Variants in ATP6V1D observed in about 807,000 individuals in gnomAD.
ATP6V1D encodes the protein ATPase H+ transporting V1 subunit D.
In ATP6V1D, 20 loss-of-function variants were observed where a neutral mutation model predicts 39.4. That is an observed-to-expected ratio of 0.51 (90% CI 0.36 to 0.74). The LOEUF is 0.74. ATP6V1D is among the 30% of genes least tolerant of loss of function. The probability of loss-of-function intolerance (pLI) is 0.00; values close to 1 mark genes in which losing one functional copy is unlikely to be tolerated. For missense variants in ATP6V1D, 228 were observed against 291.6 expected, an observed-to-expected ratio of 0.78 and a Z score of 1.59; for synonymous variants, 100 against 100.5, an observed-to-expected ratio of 0.99 and a Z score of 0.03.
intron 3 of ATP6V1D, among the ~76,000 whole-genome samples, chr14:67,349,562 C>A (rs530538946): frequency 6.6e-6 from 1 of 152,090 alleles, no homozygotes; most frequent in Non-Finnish European, 1.5e-5. Context: ...TGGCAGGGTG[C>A]GATAGCTCAC....
At chr14:67,354,197 A>T (rs1250821613) in intron 1 of ATP6V1D, among the ~76,000 whole-genome samples, 1 of 152,262 alleles carries the variant, frequency 6.6e-6, no homozygotes, top group Non-Finnish European at 1.5e-5. Context: ...AGTGTTCCAT[A>T]AATGAAAAGT....
At chr14:67,345,935 A>T (rs1341574271) in intron 5 of ATP6V1D, 64 bp from the exon 6 acceptor site, 2 of 998,294 alleles carry the variant, frequency 2.0e-6, no homozygotes, top group Non-Finnish European at 3.1e-6. Flanking sequence ...AAAATTCCCC[A>T]AAAGGAGATA....
chr14:67,341,946 C>T (rs1020499411), intron 7 of ATP6V1D, among the ~76,000 whole-genome samples: 7 of 151,858 alleles, frequency 4.6e-5, no homozygotes, highest in South Asian at 2.1e-4. Flanking sequence ...GGATTAAGGG[C>T]GGTGCAAGAT....
intron 1 of ATP6V1D, among the ~76,000 whole-genome samples, chr14:67,354,818 T>C (rs1337349456): frequency 6.6e-6 from 1 of 152,132 alleles, no homozygotes; most frequent in Non-Finnish European, 1.5e-5. Context: ...TTTTGCATTT[T>C]ATTTTATTTT....
chr14:67,348,418 G>A (rs1194249490), intron 4 of ATP6V1D, among the ~76,000 whole-genome samples: 1 of 151,726 alleles, frequency 6.6e-6, no homozygotes, highest in Non-Finnish European at 1.5e-5. Context: ...TGTTGGCCAG[G>A]CTGGTCTCGA....
intron 2 of ATP6V1D, among the ~76,000 whole-genome samples, chr14:67,351,219 G>C (rs1257668708): frequency 1.3e-5 from 2 of 152,144 alleles, no homozygotes; most frequent in Non-Finnish European, 2.9e-5. Flanking sequence ...AAATAGACTA[G>C]AGGATTCAGA....
In ATP6V1D at chr14:67,338,573, A is replaced by C; in HGVS notation, c.*48T>G. ...AAATCAAACCTACACACTGTGAATTAAAATGAAGCCAGTGTTAGGGTTTCT... is the reference window on the plus strand; with the variant it reads ...AAATCAAACCTACACACTGTGAATTCAAATGAAGCCAGTGTTAGGGTTTCT... On this transcript the variant is annotated 3_prime_UTR_variant, in exon 9 of 9. Coordinates refer to ENST00000216442, the MANE Select transcript of ATP6V1D (RefSeq NM_015994.4). The C allele has an allele frequency of 6.3e-7, 1 of 1,580,298 alleles. No individual in the cohort carries two copies. Among genetic ancestry groups the C allele is most frequent in the Non-Finnish European group, 8.6e-7 (1 of 1,164,322 alleles).
chr14:67,338,786 A>AT (rs759312107), intron 8 of ATP6V1D, 24 bp from the exon 9 acceptor site: 2 of 1,590,868 alleles, frequency 1.3e-6, no homozygotes, highest in Admixed American at 1.7e-5. Context: ...GTGGGGGTGG[A>AT]TTTTTTAAAC....
At chr14:67,356,951 T>C (rs140923840) in intron 1 of ATP6V1D, among the ~76,000 whole-genome samples, 25 of 152,364 alleles carry the variant, frequency 1.6e-4, no homozygotes, top group East Asian at 5.8e-4. Flanking sequence ...AGCCAGTTTA[T>C]AGTAAAAGGT....
At chr14:67,341,247 G>A (rs903666034) in intron 7 of ATP6V1D, among the ~76,000 whole-genome samples, 6 of 150,116 alleles carry the variant, frequency 4.0e-5, no homozygotes, top group African/African-American at 4.9e-5. Flanking sequence ...CTGCCCGGCC[G>A]CCCATCGTCT....
At chr14:67,357,121 G>A (rs968793443) in intron 1 of ATP6V1D, among the ~76,000 whole-genome samples, 4 of 152,158 alleles carry the variant, frequency 2.6e-5, no homozygotes, top group Non-Finnish European at 4.4e-5. Context: ...GACTTCTGTT[G>A]ACTCCAAATT....
chr14:67,358,695 AAAAC>A (rs1378916526), intron 1 of ATP6V1D, among the ~76,000 whole-genome samples: 1 of 152,186 alleles, frequency 6.6e-6, no homozygotes. Context: ...GTCTCTTATT[AAAAC>A]AAACAAACAA....
At chr14:67,354,596 A>T (rs2085673857) in intron 1 of ATP6V1D, among the ~76,000 whole-genome samples, 1 of 152,206 alleles carries the variant, frequency 6.6e-6, no homozygotes, top group South Asian at 2.1e-4. Flanking sequence ...CTATGATGGA[A>T]TGATATACAG....
chr14:67,353,140 G>A (rs1371509697), intron 1 of ATP6V1D, 100 bp from the exon 2 acceptor site: 1 of 849,640 alleles, frequency 1.2e-6, no homozygotes, highest in East Asian at 2.6e-5. Flanking sequence ...ATCCTTTGAT[G>A]TGATGAAAGT....
chr14:67,355,006 T>C (rs992017803), intron 1 of ATP6V1D, among the ~76,000 whole-genome samples: 2 of 152,014 alleles, frequency 1.3e-5, no homozygotes, highest in African/African-American at 4.8e-5. Flanking sequence ...AGAGACAGGT[T>C]TCTCCATGTT....
intron 3 of ATP6V1D, among the ~76,000 whole-genome samples, chr14:67,349,902 C>G (rs936271227): frequency 6.6e-6 from 1 of 152,152 alleles, no homozygotes; most frequent in African/African-American, 2.4e-5. Context: ...GTGAAAGCTC[C>G]TAGATAATAG....
intron 6 of ATP6V1D, among the ~76,000 whole-genome samples, chr14:67,345,402 CAA>C (rs1412692696): frequency 3.3e-5 from 5 of 151,728 alleles, no homozygotes; most frequent in Non-Finnish European, 7.4e-5. Flanking sequence ...ACAAAAAATA[CAA>C]AAGTTAGCCA....
At chr14:67,344,186 C>A (rs542042562) in intron 6 of ATP6V1D, among the ~76,000 whole-genome samples, 1 of 152,282 alleles carries the variant, frequency 6.6e-6, no homozygotes, top group South Asian at 2.1e-4. Context: ...TGATTGTGAC[C>A]TCTGTATTGT....
chr14:67,359,594 C>T, intron 1 of ATP6V1D, 64 bp downstream of exon 1: 1 of 1,586,674 alleles, frequency 6.3e-7, no homozygotes, highest in East Asian at 2.2e-5. Flanking sequence ...GGCCCAGGGT[C>T]TGAAGGGACC....
Sources: gnomAD v4.1 joint callset for allele counts (sites outside exome capture counted in the v4.1 genomes callset) on GRCh38, gnomAD v4.1.1 for gene constraint, MANE v1.5 for transcripts, NCBI Gene and HGNC (gene_info 2026-07-23, HGNC 2026-07-21) for gene names.